CUEDC1: variants seen among roughly 807,000 people sequenced by gnomAD.
CUEDC1 encodes CUE domain-containing protein 1.
A neutral mutation model predicts 43.7 loss-of-function variants in CUEDC1; 30 were observed. The ratio of observed to expected loss-of-function variants is 0.69; its 90% confidence interval spans 0.51 to 0.93. The LOEUF (loss-of-function observed/expected upper bound fraction) is 0.93. Ranked by LOEUF, CUEDC1 falls within the 40% of genes least tolerant of loss-of-function variation. The pLI is 0.00. For synonymous variants in CUEDC1, 223 were observed against 223.6 expected (o/e 1.00, Z 0.02); for missense variants, 486 against 549.0 (o/e 0.89, Z 1.15).
intron 1 of CUEDC1, among the ~76,000 whole-genome samples, chr17:57,943,072 T>C (rs1567726183): frequency 6.6e-6 from 1 of 152,186 alleles, no homozygotes; most frequent in East Asian, 1.9e-4. Context: ...ATGTGAATTT[T>C]ACCAGTAGTC....
At chr17:57,924,733 T>G (rs755158180) in intron 1 of CUEDC1, among the ~76,000 whole-genome samples, 27 of 152,112 alleles carry the variant, frequency 1.8e-4, no homozygotes, top group Admixed American at 4.6e-4. Context: ...GAAGAGGCCA[T>G]GCTAGAAGCC....
intron 1 of CUEDC1, among the ~76,000 whole-genome samples, chr17:57,923,208 G>C (rs145639968): frequency 8.8e-4 from 134 of 152,312 alleles, no homozygotes; most frequent in Middle Eastern, 3.4e-3. Context: ...CAAAACTCAA[G>C]GTGTTGGGCA....
At position 57,872,657 on chromosome 17, in the gene CUEDC1, G is replaced by T; in HGVS notation, c.784+6C>A. 6.2e-7 allele frequency: 1 copy of T among 1,613,360 alleles called. No individual in the cohort carries two copies. The highest frequency in any genetic ancestry group is 8.5e-7 in the Non-Finnish European group (1 of 1,179,876). ...CCAGGGAGAAGTGGCTGCAGGCGCT[G>T]CCCACCTCTCTCCAGAGCGAGGAGG... On this transcript the variant is annotated splice_donor_region_variant and intron_variant, in intron 5 of 10. Coordinates refer to ENST00000577830, the MANE Select transcript of CUEDC1 (RefSeq NM_001271875.2).
chr17:57,909,977 GGTTTT>G (rs368588325), intron 1 of CUEDC1, among the ~76,000 whole-genome samples: 11 of 152,134 alleles, frequency 7.2e-5, no homozygotes, highest in Non-Finnish European at 8.8e-5. Context: ...GTTTGGTTCT[GGTTTT>G]GTTTTGTTTT....
intron 1 of CUEDC1, among the ~76,000 whole-genome samples, chr17:57,940,199 T>A (rs1258376550): frequency 1.3e-5 from 2 of 151,248 alleles, no homozygotes; most frequent in Non-Finnish European, 2.9e-5. Flanking sequence ...TGCCATCCCA[T>A]GCCTCCTTCC....
chr17:57,884,763 C>T (rs2074264310), intron 2 of CUEDC1, among the ~76,000 whole-genome samples: 1 of 152,246 alleles, frequency 6.6e-6, no homozygotes, highest in Non-Finnish European at 1.5e-5. Context: ...CTCCATCGAG[C>T]ACTTACCACT....
At chr17:57,863,785 G>A (rs1463609077) in intron 10 of CUEDC1, among the ~76,000 whole-genome samples, 5 of 151,950 alleles carry the variant, frequency 3.3e-5, no homozygotes, top group African/African-American at 1.2e-4. Context: ...GAGGCGGGCC[G>A]AGGTCAGGGG....
At position 57,949,447 on chromosome 17, in the gene CUEDC1, G is replaced by A. The variant is rs1483407939; in HGVS notation, c.-316+5778C>T. ...CTGAACCCTCCAGGCATGTTCCAAC[G>A]ATGCCTGGACATTGCACTGGCAGCC... On this transcript the variant is annotated intron_variant, in intron 1 of 10. Coordinates refer to ENST00000577830, the MANE Select transcript of CUEDC1 (RefSeq NM_001271875.2). Among the ~76,000 whole-genome samples, 85 of 151,708 alleles carry A rather than the reference G, an allele frequency of 5.6e-4. 2 individuals are homozygous for A. Among genetic ancestry groups the A allele is most frequent in the Admixed American group, 5.5e-3 (83 of 15,224 alleles).
At chr17:57,912,906 G>A (rs558726835) in intron 1 of CUEDC1, among the ~76,000 whole-genome samples, 22 of 152,204 alleles carry the variant, frequency 1.4e-4, no homozygotes, top group Admixed American at 3.9e-4. Context: ...GCAGTGGTGC[G>A]GTCATAGCTC....
intron 1 of CUEDC1, among the ~76,000 whole-genome samples, chr17:57,906,433 T>C (rs1290266833): frequency 6.6e-6 from 1 of 152,176 alleles, no homozygotes; most frequent in African/African-American, 2.4e-5. Context: ...GAAAGTAGAA[T>C]AGAGGTTTCC....
rs866676270 is a variant in CUEDC1 at position 57,879,688 on chromosome 17, A to C, written c.387T>G (p.Pro129=). The change falls in exon 3 of 11, where the codon CCT becomes CCG. Residue 129 remains proline (P), a synonymous_variant. Coordinates refer to ENST00000577830, the MANE Select transcript of CUEDC1 (RefSeq NM_001271875.2). ...TGTGGTAGGCTGGCGGGGAGTACAC[A>C]GGTGGGGGCTCTTCATCCGAGCTAT... ...EPDSSDEEPP[P]VYSPPAYHMH... 6.2e-7 allele frequency: 1 copy of C among 1,602,788 alleles called. No homozygotes were observed. The highest frequency in any genetic ancestry group is 1.7e-4 in the Middle Eastern group (1 of 6,040).
intron 1 of CUEDC1, among the ~76,000 whole-genome samples, chr17:57,900,487 A>T (rs1458865184): frequency 6.6e-6 from 1 of 152,186 alleles, no homozygotes; most frequent in Admixed American, 6.5e-5. Flanking sequence ...CATTATGTAA[A>T]GGCATTAAAC....
At position 57,940,309 on chromosome 17, in the gene CUEDC1, T is replaced by C. The variant is rs184053752; in HGVS notation, c.-316+14916A>G. 2.5e-3 allele frequency among the ~76,000 whole-genome samples: 376 copies of C among 151,008 alleles called. 2 individuals are homozygous for C. The highest frequency in any genetic ancestry group is 8.7e-3 in the African/African-American group (358 of 41,128). The stretch of plus-strand genomic sequence containing the variant: ...AGCGATTCAGCCAGAGGCACTCCAA[T>C]GGACTGAAGCTGGAAACAAGAAATT... On this transcript the variant is annotated intron_variant, in intron 1 of 10. Transcript: ENST00000577830.
chr17:57,926,820 A>C (rs16942526), intron 1 of CUEDC1, among the ~76,000 whole-genome samples: 18,824 of 152,172 alleles, frequency 0.12, 1,877 homozygotes, highest in African/African-American at 0.27. Context: ...ATCCACCATA[A>C]AACAGAGTTA....
intron 1 of CUEDC1, among the ~76,000 whole-genome samples, chr17:57,927,030 A>G (rs938091335): frequency 2.0e-5 from 3 of 152,186 alleles, no homozygotes; most frequent in African/African-American, 7.2e-5. Flanking sequence ...GCTGGGGGAA[A>G]CAGGCCGGCA....
intron 1 of CUEDC1, among the ~76,000 whole-genome samples, chr17:57,901,647 C>T (rs1180647785): frequency 1.3e-5 from 2 of 152,228 alleles, no homozygotes; most frequent in East Asian, 3.8e-4. Flanking sequence ...GAAGCAGCCA[C>T]CTGGGAGGTG....
At chr17:57,886,026 C>G (rs1433114511) in intron 1 of CUEDC1, 147 bp from the exon 2 acceptor site, 1 of 155,470 alleles carries the variant, frequency 6.4e-6, no homozygotes, top group African/African-American at 2.4e-5. Flanking sequence ...GCTTTCTCCC[C>G]GGCTTCAGTA....
chr17:57,877,547 C>T (rs1324523627), intron 3 of CUEDC1, among the ~76,000 whole-genome samples: 7 of 143,954 alleles, frequency 4.9e-5, no homozygotes, highest in Middle Eastern at 7.5e-3. Flanking sequence ...CTAGCAGAAA[C>T]TGAACTTTTT....
chr17:57,885,653 G>A lies in CUEDC1; in HGVS notation c.-89C>T, dbSNP rs1597983579. On this transcript the variant is annotated 5_prime_UTR_variant, in exon 2 of 11. An upstream open reading frame in the 5' UTR gains an earlier in-frame stop. Coordinates refer to ENST00000577830, the MANE Select transcript of CUEDC1 (RefSeq NM_001271875.2). ...CCGCCGTCAGCCGCTTACTTGCCCT[G>A]CGGTCTCGGGCAGCTCACTCCTGCG... 1 of 1,326,686 alleles carries A rather than the reference G, an allele frequency of 7.5e-7. No individual in the cohort carries two copies. The highest frequency in any genetic ancestry group is 3.2e-5 in the East Asian group (1 of 31,442). 82.2% of individuals were successfully genotyped at this position (1,326,686 alleles called of 1,614,324 possible). A position where few individuals can be genotyped will look rare whatever the true frequency, so the allele number is the denominator to read the frequency against.
Sources: allele counts gnomAD v4.1 joint callset (sites outside exome capture counted in the v4.1 genomes callset), GRCh38; gene constraint gnomAD v4.1.1; transcripts MANE v1.5; gene names NCBI Gene and HGNC (gene_info 2026-07-23, HGNC 2026-07-21).